Variants in CELF2 observed in about 807,000 individuals in gnomAD.
CELF2 encodes CUG triplet repeat RNA-binding protein 2.
Under a neutral mutation model 62.6 loss-of-function variants are expected in CELF2, and 8 were observed. That is an observed-to-expected ratio of 0.13 (90% confidence interval 0.07 to 0.23). The LOEUF (loss-of-function observed/expected upper bound fraction) is 0.23. CELF2 is among the 10% of genes least tolerant of loss of function. The probability of loss-of-function intolerance (pLI) is 1.00; values close to 1 mark genes in which losing one functional copy is unlikely to be tolerated. For missense variants in CELF2, 333 were observed against 671.0 expected, an observed-to-expected ratio of 0.50 and a Z score of 5.56; for synonymous variants, 258 against 250.0, an observed-to-expected ratio of 1.03 and a Z score of -0.30.
the CELF2 span, among the ~76,000 whole-genome samples, chr10:10,772,448 C>T: frequency 6.6e-6 from 1 of 152,210 alleles, no homozygotes; most frequent in African/African-American, 2.4e-5. Context: ...TTGTTGGTTT[C>T]AATTTAAATG....
At chr10:10,876,221 T>C (rs1410940204) in intron 1 of CELF2, among the ~76,000 whole-genome samples, 1 of 152,134 alleles carries the variant, frequency 6.6e-6, no homozygotes, top group Non-Finnish European at 1.5e-5. Context: ...GAATACCAAC[T>C]GGAGAAATAC....
chr10:10,785,513 A>C, the CELF2 span, among the ~76,000 whole-genome samples: 1 of 152,192 alleles, frequency 6.6e-6, no homozygotes, highest in Non-Finnish European at 1.5e-5. Context: ...AAAATGTGAT[A>C]TATATATACA....
At chr10:10,962,274 A>G (rs559485198) in intron 2 of CELF2, among the ~76,000 whole-genome samples, 5 of 152,354 alleles carry the variant, frequency 3.3e-5, no homozygotes, top group Non-Finnish European at 7.3e-5. Context: ...AGACAAAACC[A>G]AATGGGATGC....
At chr10:10,462,615 C>CTTTTTTTTTTT in the CELF2 span, among the ~76,000 whole-genome samples, 3 of 69,402 alleles carry the variant, frequency 4.3e-5, no homozygotes, top group African/African-American at 1.1e-4. Context: ...TTTTTTTCAT[C>CTTTTTTTTTTT]TTTTTTTTTT....
chr10:11,187,456 A>G (rs914755688), intron 2 of CELF2, among the ~76,000 whole-genome samples: 1 of 152,166 alleles, frequency 6.6e-6, no homozygotes, highest in Non-Finnish European at 1.5e-5. Context: ...TAGTCGGATC[A>G]TAATTTTTTT....
At chr10:11,308,543 G>C (rs779493521) in intron 9 of CELF2, among the ~76,000 whole-genome samples, 16 of 152,150 alleles carry the variant, frequency 1.1e-4, no homozygotes, top group Non-Finnish European at 1.9e-4. Context: ...GCCCTATGGT[G>C]AATTTTTCAT....
At chr10:11,238,676 G>A (rs74115799) in intron 3 of CELF2, among the ~76,000 whole-genome samples, 5,799 of 152,196 alleles carry the variant, frequency 0.038, 321 homozygotes, top group East Asian at 0.23. Flanking sequence ...TAATGGGAAG[G>A]TTAAAAAACG....
At chr10:11,154,575 C>T (rs75240698) in intron 1 of CELF2, among the ~76,000 whole-genome samples, 1 of 152,134 alleles carries the variant, frequency 6.6e-6, no homozygotes, top group East Asian at 1.9e-4. Context: ...GAACTGCTGT[C>T]GAGGAATTCA....
intron 2 of CELF2, among the ~76,000 whole-genome samples, chr10:11,175,519 A>G (rs1816802087): frequency 6.6e-6 from 1 of 152,198 alleles, no homozygotes; most frequent in Admixed American, 6.5e-5. Context: ...ACAGCAGGCA[A>G]CATGTAGAGT....
At chr10:11,045,788 C>T (rs1028544525) in intron 1 of CELF2, among the ~76,000 whole-genome samples, 1 of 152,134 alleles carries the variant, frequency 6.6e-6, no homozygotes, top group East Asian at 1.9e-4. Context: ...CGCAATATAA[C>T]AAATATAACA....
At chr10:11,160,785 G>A (rs990063012) in intron 1 of CELF2, among the ~76,000 whole-genome samples, 2 of 152,018 alleles carry the variant, frequency 1.3e-5, no homozygotes, top group Non-Finnish European at 2.9e-5. Flanking sequence ...TTCTGAAGAT[G>A]ACATTTTATG....
intron 2 of CELF2, among the ~76,000 whole-genome samples, chr10:11,215,893 G>T (rs1024533196): frequency 1.3e-5 from 2 of 152,086 alleles, no homozygotes; most frequent in African/African-American, 4.8e-5. Flanking sequence ...CTTACATCAC[G>T]CCACTGAAGC....
intron 2 of CELF2, among the ~76,000 whole-genome samples, chr10:10,974,986 A>G (rs1452669309): frequency 6.6e-6 from 1 of 152,246 alleles, no homozygotes; most frequent in Non-Finnish European, 1.5e-5. Context: ...AATCAACAGT[A>G]GATAAAGGCT....
chr10:11,183,295 G>A (rs777605402), intron 2 of CELF2, among the ~76,000 whole-genome samples: 2 of 152,176 alleles, frequency 1.3e-5, no homozygotes, highest in African/African-American at 2.4e-5. Context: ...CCTTTTGATT[G>A]CTGAGTAACG....
the CELF2 span, among the ~76,000 whole-genome samples, chr10:10,611,990 T>C: frequency 6.6e-6 from 1 of 152,118 alleles, no homozygotes; most frequent in African/African-American, 2.4e-5. Flanking sequence ...TAATATGTAG[T>C]TAAATTTAGG....
At chr10:10,710,909 C>G in the CELF2 span, among the ~76,000 whole-genome samples, 1 of 152,162 alleles carries the variant, frequency 6.6e-6, no homozygotes, top group Non-Finnish European at 1.5e-5. Flanking sequence ...GTACTCTCAA[C>G]CCATTTTAAA....
intron 1 of CELF2, among the ~76,000 whole-genome samples, chr10:11,081,672 A>G (rs902575990): frequency 1.3e-5 from 2 of 152,240 alleles, no homozygotes; most frequent in African/African-American, 2.4e-5. Flanking sequence ...TTAGAAATAG[A>G]TGAAAATTTG....
the CELF2 span, among the ~76,000 whole-genome samples, chr10:10,724,950 T>C: frequency 8.4e-6 from 1 of 119,634 alleles, no homozygotes; most frequent in East Asian, 2.5e-4. Flanking sequence ...TTTAGTTGAG[T>C]CATAAAACCT....
chr10:10,718,623 CA>C, the CELF2 span, among the ~76,000 whole-genome samples: 59,403 of 83,898 alleles, frequency 0.71, 19,773 homozygotes, highest in Admixed American at 0.81. Context: ...GACTCCGTCT[CA>C]AAAAAAAAAA....
Sources: gnomAD v4.1 joint callset for allele counts (sites outside exome capture counted in the v4.1 genomes callset) on GRCh38, gnomAD v4.1.1 for gene constraint, MANE v1.5 for transcripts, NCBI Gene and HGNC (gene_info 2026-07-23, HGNC 2026-07-21) for gene names.